The following ANK2 variants were observed in gnomAD, a reference collection of about 807,000 sequenced individuals.
ANK2 encodes the protein ankyrin-2.
A neutral mutation model predicts 360.5 loss-of-function variants in ANK2; 83 were observed. The ratio of observed to expected loss-of-function variants is 0.23; its 90% CI spans 0.19 to 0.28. ANK2 has a LOEUF of 0.28. ANK2 is among the 10% of genes least tolerant of loss of function. The pLI, the probability that ANK2 is intolerant of heterozygous loss-of-function variation, is 1.00. For synonymous variants in ANK2, 1,740 were observed against 1,759.5 expected (o/e 0.99, Z 0.28); for missense variants, 4,201 against 4,795.7 (o/e 0.88, Z 3.66).
At chr4:113,089,496 T>A (rs1261042852) in intron 1 of ANK2, among the ~76,000 whole-genome samples, 1 of 152,226 alleles carries the variant, frequency 6.6e-6, no homozygotes, top group Non-Finnish European at 1.5e-5. Context: ...TGGAAGATGC[T>A]AGTATTTATT....
the ANK2 span, among the ~76,000 whole-genome samples, chr4:112,771,162 T>G: frequency 6.6e-6 from 1 of 152,232 alleles, no homozygotes; most frequent in African/African-American, 2.4e-5. Context: ...GCCCAGGCTG[T>G]AGTGCAATGG....
chr4:113,013,214 A>G (rs1484979752), intron 2 of ANK2, among the ~76,000 whole-genome samples: 3 of 152,142 alleles, frequency 2.0e-5, no homozygotes, highest in Non-Finnish European at 4.4e-5. Flanking sequence ...AGAGTGTGTA[A>G]TCTACAGAAC....
chr4:112,726,562 A>G, the ANK2 span, among the ~76,000 whole-genome samples: 1 of 151,908 alleles, frequency 6.6e-6, no homozygotes, highest in Non-Finnish European at 1.5e-5. Flanking sequence ...TGCTGTATTT[A>G]TAGTTCAGAG....
intron 4 of ANK2, among the ~76,000 whole-genome samples, chr4:113,231,191 A>G (rs183622751): frequency 7.2e-5 from 11 of 152,006 alleles, no homozygotes; most frequent in African/African-American, 2.7e-4. Context: ...AGCTGGGATT[A>G]CAGGCATGTG....
At chr4:113,245,758 G>T (rs539714058) in intron 9 of ANK2, among the ~76,000 whole-genome samples, 155 of 152,044 alleles carry the variant, frequency 1.0e-3, no homozygotes, top group African/African-American at 3.5e-3. Flanking sequence ...TGTTTAATTT[G>T]GTTTTGACTA....
chr4:113,326,792 A>G (rs2090179999), intron 26 of ANK2, among the ~76,000 whole-genome samples: 1 of 152,130 alleles, frequency 6.6e-6, no homozygotes, highest in Admixed American at 6.6e-5. Flanking sequence ...GCTTGAGCCT[A>G]GGAGTTCAAA....
chr4:113,066,972 T>C (rs893028825), intron 1 of ANK2, among the ~76,000 whole-genome samples: 1 of 151,992 alleles, frequency 6.6e-6, no homozygotes, highest in African/African-American at 2.4e-5. Context: ...TGTGAGTGTT[T>C]TGTTGCTAGT....
intron 1 of ANK2, among the ~76,000 whole-genome samples, chr4:113,128,759 G>C (rs1286417458): frequency 6.6e-6 from 1 of 152,116 alleles, no homozygotes; most frequent in Non-Finnish European, 1.5e-5. Context: ...AAAGTGCTGG[G>C]ATTACAGGCG....
chr4:112,841,960 A>C (rs1434470201), intron 1 of ANK2, among the ~76,000 whole-genome samples: 1 of 152,158 alleles, frequency 6.6e-6, no homozygotes, highest in African/African-American at 2.4e-5. Context: ...CAATAGAAGA[A>C]GACGTCTTTG....
At chr4:112,793,200 T>G in the ANK2 span, among the ~76,000 whole-genome samples, 3 of 152,140 alleles carry the variant, frequency 2.0e-5, no homozygotes, top group Admixed American at 1.3e-4. Context: ...AAACAAATTG[T>G]AAATAAGTAA....
intron 8 of ANK2, 30 bp downstream of exon 8, chr4:113,240,613 A>G: frequency 1.3e-6 from 2 of 1,539,034 alleles, no homozygotes; most frequent in South Asian, 1.1e-5. Context: ...CTCATTCTAG[A>G]TAGCAGTAAA....
chr4:112,921,247 A>T (rs2091416917), intron 2 of ANK2, among the ~76,000 whole-genome samples: 1 of 151,512 alleles, frequency 6.6e-6, no homozygotes, highest in Non-Finnish European at 1.5e-5. Flanking sequence ...CTGGTCTTGA[A>T]TTCCTGAGCT....
At position 112,997,615 on chromosome 4, in the gene ANK2, A is replaced by G. The variant is rs556486691; in HGVS notation, c.21+93101A>G. On this transcript the variant is annotated intron_variant, in intron 2 of 30. Transcript: ENST00000503271. The stretch of plus-strand genomic sequence containing the variant: ...ACTTCCCTGTTTTGGAGACTGTAGC[A>G]TTTGTTCTTTTCTTCCAGTATATGT... 2.6e-4 allele frequency among the ~76,000 whole-genome samples: 40 copies of G among 152,194 alleles called. No homozygotes were observed. In the South Asian group the frequency reaches 3.7e-3, roughly 14 times the overall value.
At chr4:113,378,789 C>T (rs889821526) in intron 45 of ANK2, among the ~76,000 whole-genome samples, 5 of 152,184 alleles carry the variant, frequency 3.3e-5, no homozygotes, top group Non-Finnish European at 5.9e-5. Flanking sequence ...CTGTGAGGCA[C>T]ACTGGTCTGC....
the ANK2 span, among the ~76,000 whole-genome samples, chr4:112,739,632 C>T: frequency 6.6e-6 from 1 of 151,982 alleles, no homozygotes; most frequent in Non-Finnish European, 1.5e-5. Context: ...AAAGAGATCT[C>T]TGCCCACACA....
At position 113,356,884 on chromosome 4, in the gene ANK2, G is replaced by T. The variant is rs755000290; in HGVS notation, c.8266G>T (p.Asp2756Tyr). The change falls in exon 38 of 46, where the codon GAC (aspartate) becomes TAC (tyrosine). Residue 2756 changes from aspartate (D) to tyrosine (Y), a missense_variant. By Grantham distance (160) the Asp-to-Tyr change is radical. This residue lies in a region of ANK2 where 2,642 missense variants were observed against 2,714.5 expected (regional missense o/e 0.97). Transcript: ENST00000357077. Reference sequence around the variant, plus strand: ...TCATGCTGTTTCCACTGAGGCTGAAGACAGGTCTTATGATAAGCTAAACAG... The same window carrying T: ...TCATGCTGTTTCCACTGAGGCTGAATACAGGTCTTATGATAAGCTAAACAG... ...DRHAVSTEAEDRSYDKLNRDT... is the reference protein window; with the variant it reads ...DRHAVSTEAEYRSYDKLNRDT... The T allele has an allele frequency of 9.9e-6, 16 of 1,614,060 alleles. No individual in the cohort carries two copies. Among genetic ancestry groups the T allele is most frequent in the Non-Finnish European group, 1.0e-5 (12 of 1,180,000 alleles).
rs150536846 is a variant in ANK2, at chr4:113,156,371, C to CTTTTTTTTTTTTTTTTTTTTT, written c.85-18035_85-18034insTTTTTTTTTTTTTTTTTTTTT. On this transcript the variant is annotated intron_variant, in intron 1 of 45. Coordinates refer to ENST00000357077, the MANE Select transcript of ANK2 (RefSeq NM_001148.6). ...CGTATAGAGTATATGTAGAAAAATT[C>CTTTTTTTTTTTTTTTTTTTTT]TTTTTTTTTTGTTTTTGAGACAGAG... Among the ~76,000 whole-genome samples, 557 of 128,272 alleles carry CTTTTTTTTTTTTTTTTTTTTT rather than the reference C, an allele frequency of 4.3e-3. 3 individuals are homozygous for CTTTTTTTTTTTTTTTTTTTTT. Among genetic ancestry groups the CTTTTTTTTTTTTTTTTTTTTT allele is most frequent in the Non-Finnish European group, 5.6e-3 (343 of 61,320 alleles). 84.2% of individuals were successfully genotyped at this position (128,272 alleles called of 152,430 possible).
At chr4:113,132,435 G>A (rs2096105250) in intron 1 of ANK2, among the ~76,000 whole-genome samples, 1 of 152,008 alleles carries the variant, frequency 6.6e-6, no homozygotes, top group Non-Finnish European at 1.5e-5. Flanking sequence ...TTTGACTAAG[G>A]GATAGATCCT....
chr4:113,345,314 A>G (rs774136873), intron 34 of ANK2, among the ~76,000 whole-genome samples: 4 of 152,174 alleles, frequency 2.6e-5, no homozygotes, highest in African/African-American at 9.7e-5. Flanking sequence ...CTATTGTTCA[A>G]TGGGGACAGT....
Sources: gnomAD v4.1 joint callset for allele counts (sites outside exome capture counted in the v4.1 genomes callset) on GRCh38, gnomAD v4.1.1 for gene constraint, gnomAD v4.1.1 regional missense constraint, MANE v1.5 for transcripts, NCBI Gene and HGNC (gene_info 2026-07-23, HGNC 2026-07-21) for gene names.